The following FTO variants were observed in gnomAD, a reference collection of about 807,000 sequenced individuals.
FTO encodes alpha-ketoglutarate-dependent dioxygenase FTO.
Under a neutral mutation model 63.9 loss-of-function variants are expected in FTO, and 47 were observed. The ratio of observed to expected loss-of-function variants is 0.74; its 90% confidence interval spans 0.58 to 0.94. The LOEUF (loss-of-function observed/expected upper bound fraction) is 0.94. Among genes scored for constraint, FTO ranks in the 40% least tolerant of loss-of-function variants. The probability of loss-of-function intolerance (pLI) is 0.00; values close to 1 mark genes in which losing one functional copy is unlikely to be tolerated. For synonymous variants in FTO, 207 were observed against 224.4 expected, an observed-to-expected ratio of 0.92 and a Z score of 0.69; for missense variants, 562 against 618.1, an observed-to-expected ratio of 0.91 and a Z score of 0.96.
chr16:53,950,172 A>AC (rs2082752299), intron 8 of FTO, among the ~76,000 whole-genome samples: 1 of 148,564 alleles, frequency 6.7e-6, no homozygotes, highest in African/African-American at 2.4e-5. Flanking sequence ...AAAAAAAAAA[A>AC]AAAAAAACTT....
chr16:54,041,831 G>T (rs1287565541), intron 8 of FTO, among the ~76,000 whole-genome samples: 3 of 152,318 alleles, frequency 2.0e-5, no homozygotes, highest in East Asian at 3.9e-4. Flanking sequence ...CACGATGGAG[G>T]TTGAGAGTGT....
intron 7 of FTO, among the ~76,000 whole-genome samples, chr16:53,907,752 C>T (rs56379708): frequency 0.19 from 28,476 of 152,038 alleles, 3,576 homozygotes; most frequent in African/African-American, 0.35. Context: ...CCTTTGCACA[C>T]GTCATTTGTT....
At chr16:53,971,966 C>T (rs1442119988) in intron 8 of FTO, among the ~76,000 whole-genome samples, 1 of 152,082 alleles carries the variant, frequency 6.6e-6, no homozygotes, top group Non-Finnish European at 1.5e-5. Context: ...TTCATTGCCT[C>T]CCCCCTTCCC....
At chr16:53,943,660 A>G (rs1479716733) in intron 8 of FTO, among the ~76,000 whole-genome samples, 1 of 152,240 alleles carries the variant, frequency 6.6e-6, no homozygotes, top group Admixed American at 6.5e-5. Context: ...TAAAATGTGC[A>G]TATAGTTGCT....
chr16:53,914,728 C>T (rs1056236936), intron 7 of FTO, among the ~76,000 whole-genome samples: 38 of 152,166 alleles, frequency 2.5e-4, no homozygotes, highest in African/African-American at 5.6e-4. Flanking sequence ...AAATTGTCTC[C>T]GTTAAACATG....
intron 8 of FTO, among the ~76,000 whole-genome samples, chr16:53,960,227 C>T (rs2083039282): frequency 6.6e-6 from 1 of 152,172 alleles, no homozygotes; most frequent in Non-Finnish European, 1.5e-5. Flanking sequence ...AGGTTACTAA[C>T]CCTGTGACAG....
At chr16:53,916,547 T>C (rs976689542) in intron 7 of FTO, among the ~76,000 whole-genome samples, 18 of 152,192 alleles carry the variant, frequency 1.2e-4, no homozygotes, top group Non-Finnish European at 1.3e-4. Flanking sequence ...CATGTGAACA[T>C]TGAACATTGG....
At chr16:53,983,453 G>T (rs1001447407) in intron 8 of FTO, among the ~76,000 whole-genome samples, 1 of 152,058 alleles carries the variant, frequency 6.6e-6, no homozygotes, top group Non-Finnish European at 1.5e-5. Flanking sequence ...GGCATACATT[G>T]TTCTGAAACT....
intron 1 of FTO, among the ~76,000 whole-genome samples, chr16:53,708,364 CAA>C (rs772075260): frequency 3.3e-5 from 4 of 121,446 alleles, no homozygotes; most frequent in Non-Finnish European, 3.5e-5. Flanking sequence ...GACTGTGTCT[CAA>C]AAAAAAAAAA....
At chr16:54,107,590 G>T (rs1482955552) in intron 8 of FTO, among the ~76,000 whole-genome samples, 1 of 152,172 alleles carries the variant, frequency 6.6e-6, no homozygotes, top group African/African-American at 2.4e-5. Context: ...CAACATCTCA[G>T]TTTGGAGAGA....
intron 8 of FTO, chr16:53,935,738 A>T (rs1359035707): frequency 6.6e-6 from 1 of 152,170 alleles, no homozygotes; most frequent in Non-Finnish European, 1.5e-5. Flanking sequence ...TAAAGTAATG[A>T]CTAAATGATT....
In FTO at chr16:54,119,675, G is replaced by A. The variant is rs1326057006; in HGVS notation, c.*7760G>A. 3.3e-5 allele frequency: 5 copies of A among 152,092 alleles called. No homozygotes were observed. The highest frequency in any genetic ancestry group is 1.2e-4 in the African/African-American group (5 of 41,434). 9.4% of individuals were successfully genotyped at this position (152,092 alleles called of 1,614,324 possible). On this transcript the variant is annotated 3_prime_UTR_variant, in exon 9 of 9. Coordinates refer to ENST00000471389, the MANE Select transcript of FTO (RefSeq NM_001080432.3). ...TTAGTAGGCAGCGTATTTCATACAT[G>A]CCCCTTGATCAATGGAATGATCTGT...
In FTO at chr16:54,112,261, G is replaced by T; in HGVS notation, c.*346G>T. ...TTCCTCTTTCCCAAGCTTTTTCAGAGACTCTGGAGTGGACCCAGCCCTCTG... is the reference window on the plus strand; with the variant it reads ...TTCCTCTTTCCCAAGCTTTTTCAGATACTCTGGAGTGGACCCAGCCCTCTG... On this transcript the variant is annotated 3_prime_UTR_variant, in exon 9 of 9. Transcript: ENST00000471389. 5.6e-6 allele frequency: 2 copies of T among 356,910 alleles called. No homozygotes were observed. The highest frequency in any genetic ancestry group is 1.4e-4 in the East Asian group (2 of 13,926). 22.1% of individuals were successfully genotyped at this position (356,910 alleles called of 1,614,324 possible).
At chr16:53,741,344 A>G (rs2076524346) in intron 1 of FTO, among the ~76,000 whole-genome samples, 1 of 152,154 alleles carries the variant, frequency 6.6e-6, no homozygotes, top group Admixed American at 6.5e-5. Flanking sequence ...AGGTTATTCT[A>G]TGTGCTTTTG....
At position 54,117,396 on chromosome 16, in the gene FTO, T is replaced by C. The variant is rs145793948; in HGVS notation, c.*5481T>C. Reference sequence around the variant, plus strand: ...ACCCCTCTGCGCTCCAGTCTTTGTTTCTATAATGGGGATGATGATAATGCC... The same window carrying C: ...ACCCCTCTGCGCTCCAGTCTTTGTTCCTATAATGGGGATGATGATAATGCC... On this transcript the variant is annotated 3_prime_UTR_variant, in exon 9 of 9. Coordinates refer to ENST00000471389, the MANE Select transcript of FTO (RefSeq NM_001080432.3). The C allele has an allele frequency of 4.9e-4, 75 of 152,336 alleles. No individual in the cohort carries two copies. Among genetic ancestry groups the C allele is most frequent in the African/African-American group, 1.6e-3 (68 of 41,572 alleles). 9.4% of individuals were successfully genotyped at this position (152,336 alleles called of 1,614,324 possible). A position where few individuals can be genotyped will look rare whatever the true frequency, so the allele number is the denominator to read the frequency against.
intron 8 of FTO, among the ~76,000 whole-genome samples, chr16:53,944,415 A>T (rs1320791476): frequency 6.6e-6 from 1 of 152,226 alleles, no homozygotes; most frequent in East Asian, 1.9e-4. Context: ...TATTTGTCTC[A>T]AAGCATGAGT....
intron 3 of FTO, among the ~76,000 whole-genome samples, chr16:53,841,680 C>T (rs1484245073): frequency 1.3e-5 from 2 of 152,112 alleles, no homozygotes; most frequent in Non-Finnish European, 1.5e-5. Flanking sequence ...GCACATTTGG[C>T]GGTAGAGTAC....
chr16:53,714,939 G>C (rs1243184191), intron 1 of FTO, among the ~76,000 whole-genome samples: 1 of 152,138 alleles, frequency 6.6e-6, no homozygotes, highest in African/African-American at 2.4e-5. Flanking sequence ...AGCAAATGAA[G>C]GAGAACGAAG....
At chr16:54,019,042 C>A (rs1448151802) in intron 8 of FTO, among the ~76,000 whole-genome samples, 2 of 152,186 alleles carry the variant, frequency 1.3e-5, no homozygotes, top group Non-Finnish European at 2.9e-5. Context: ...TCTTCAGTTT[C>A]TGCCATCATC....
Sources: allele counts gnomAD v4.1 joint callset (sites outside exome capture counted in the v4.1 genomes callset), GRCh38; gene constraint gnomAD v4.1.1; transcripts MANE v1.5; gene names NCBI Gene and HGNC (gene_info 2026-07-23, HGNC 2026-07-21).